BAZ2B: variants seen among roughly 807,000 people sequenced by gnomAD.
BAZ2B encodes the protein bromodomain adjacent to zinc finger domain protein 2B.
Under a neutral mutation model 246.0 loss-of-function variants are expected in BAZ2B, and 91 were observed. That is an observed-to-expected ratio of 0.37 (90% CI 0.31 to 0.44). BAZ2B has a LOEUF of 0.44. Ranked by LOEUF, BAZ2B falls within the 20% of genes least tolerant of loss-of-function variation. The probability of loss-of-function intolerance (pLI) is 1.00; values close to 1 mark genes in which losing one functional copy is unlikely to be tolerated. For missense variants in BAZ2B, 2,332 were observed against 2,533.7 expected, an observed-to-expected ratio of 0.92 and a Z score of 1.71; for synonymous variants, 855 against 860.0, an observed-to-expected ratio of 0.99 and a Z score of 0.10.
chr2:159,600,784 G>C (rs1691950161), intron 1 of BAZ2B, among the ~76,000 whole-genome samples: 1 of 152,018 alleles, frequency 6.6e-6, no homozygotes, highest in Non-Finnish European at 1.5e-5. Flanking sequence ...AAGAAGTGGG[G>C]GGAATCACAG....
chr2:159,332,465 C>A, intron 34 of BAZ2B, 75 bp downstream of exon 34: 1 of 1,421,994 alleles, frequency 7.0e-7, no homozygotes, highest in Admixed American at 2.2e-5. Flanking sequence ...CCAGCCTGGG[C>A]AACTGAGACC....
At chr2:159,639,012 T>C in the BAZ2B span, among the ~76,000 whole-genome samples, 1 of 151,840 alleles carries the variant, frequency 6.6e-6, no homozygotes, top group Non-Finnish European at 1.5e-5. Context: ...ATAAAAGAAA[T>C]AAACAGCATA....
chr2:159,483,505 G>A (rs918646369), intron 2 of BAZ2B, among the ~76,000 whole-genome samples: 3 of 152,142 alleles, frequency 2.0e-5, no homozygotes, highest in South Asian at 4.1e-4. Flanking sequence ...GGCTTGGCGC[G>A]GTGGCTCACG....
intron 14 of BAZ2B, 121 bp downstream of exon 14, chr2:159,412,213 TA>T: frequency 9.5e-7 from 1 of 1,055,770 alleles, no homozygotes; most frequent in Non-Finnish European, 1.4e-6. Context: ...CATTTTATTC[TA>T]ACACAACTAT....
chr2:159,439,280 T>A, intron 6 of BAZ2B, 68 bp from the exon 7 acceptor site: 1 of 1,298,602 alleles, frequency 7.7e-7, no homozygotes, highest in Non-Finnish European at 1.1e-6. Context: ...ATAAAAGGTG[T>A]ACTCTTTTTA....
chr2:159,551,162 A>G (rs2088137632), intron 2 of BAZ2B, among the ~76,000 whole-genome samples: 1 of 152,176 alleles, frequency 6.6e-6, no homozygotes, highest in African/African-American at 2.4e-5. Flanking sequence ...AAAAACAGAA[A>G]AAGCCACTTT....
intron 14 of BAZ2B, among the ~76,000 whole-genome samples, chr2:159,408,152 T>C (rs1386542552): frequency 6.6e-6 from 1 of 152,224 alleles, no homozygotes; most frequent in Non-Finnish European, 1.5e-5. Flanking sequence ...TATCAATCAA[T>C]TTCAAGCCCT....
Position 159,540,335 on chromosome 2 carries a change from T to C in BAZ2B, c.-3+15488A>G, listed in dbSNP as rs1467936184. The stretch of plus-strand genomic sequence containing the variant: ...ACCAAACAACTTTCCATCTGATAGC[T>C]TTCTTCATGTCTCTTTCCTTACTGA... On this transcript the variant is annotated intron_variant, in intron 2 of 36. Transcript: ENST00000392783. 2.0e-5 allele frequency among the ~76,000 whole-genome samples: 3 copies of C among 152,236 alleles called. No individual in the cohort carries two copies. The East Asian group carries it at 5.8e-4, about 29-fold the overall frequency.
At chr2:159,328,700 A>C (rs1486401067) in intron 34 of BAZ2B, among the ~76,000 whole-genome samples, 6 of 152,148 alleles carry the variant, frequency 3.9e-5, no homozygotes, top group Non-Finnish European at 8.8e-5. Flanking sequence ...TTTTGTAGGC[A>C]CTGAAGTTTG....
At chr2:159,333,501 T>A (rs2065123217) in intron 33 of BAZ2B, among the ~76,000 whole-genome samples, 1 of 152,076 alleles carries the variant, frequency 6.6e-6, no homozygotes. Flanking sequence ...AGAAGAAAAG[T>A]TAGACAAGTA....
At chr2:159,335,176 A>G (rs769875626) in intron 33 of BAZ2B, among the ~76,000 whole-genome samples, 1 of 152,238 alleles carries the variant, frequency 6.6e-6, no homozygotes, top group Non-Finnish European at 1.5e-5. Flanking sequence ...TGGTTTTAAT[A>G]ATAATTTTTA....
At chr2:159,445,959 TA>T (rs1240461994) in intron 6 of BAZ2B, among the ~76,000 whole-genome samples, 1 of 151,904 alleles carries the variant, frequency 6.6e-6, no homozygotes, top group Non-Finnish European at 1.5e-5. Flanking sequence ...GCAAAAAATG[TA>T]AAAATTACCT....
chr2:159,514,939 C>A (rs1251242114), intron 2 of BAZ2B, among the ~76,000 whole-genome samples: 1 of 151,974 alleles, frequency 6.6e-6, no homozygotes, highest in African/African-American at 2.4e-5. Context: ...TCAGAATATG[C>A]CAGTAATTTA....
chr2:159,534,014 C>T (rs1257615103), intron 2 of BAZ2B, among the ~76,000 whole-genome samples: 2 of 152,110 alleles, frequency 1.3e-5, no homozygotes, highest in Admixed American at 6.6e-5. Context: ...AACGAGAGGC[C>T]GTAATCAAAT....
At chr2:159,455,762 G>GTTTTTTTTTTTTT (rs759816186) in intron 3 of BAZ2B, among the ~76,000 whole-genome samples, 1 of 97,124 alleles carries the variant, frequency 1.0e-5, no homozygotes, top group Non-Finnish European at 2.2e-5. Context: ...GAAATATTGT[G>GTTTTTTTTTTTTT]GTTTTTTTTT....
intron 1 of BAZ2B, among the ~76,000 whole-genome samples, chr2:159,586,623 C>T (rs900715526): frequency 6.6e-6 from 1 of 152,050 alleles, no homozygotes; most frequent in Non-Finnish European, 1.5e-5. Context: ...AATCCTAGCA[C>T]TTTGGGAGGC....
At chr2:159,593,261 C>A (rs1395263199) in intron 1 of BAZ2B, among the ~76,000 whole-genome samples, 2 of 152,132 alleles carry the variant, frequency 1.3e-5, no homozygotes, top group African/African-American at 4.8e-5. Flanking sequence ...AAACTTTGAC[C>A]AAATCTCTGT....
At chr2:159,393,255 G>C (rs2063564801) in intron 20 of BAZ2B, among the ~76,000 whole-genome samples, 1 of 152,140 alleles carries the variant, frequency 6.6e-6, no homozygotes, top group Admixed American at 6.5e-5. Context: ...GATAGTGTCA[G>C]GATATGATCT....
In BAZ2B at chr2:159,430,872, G is replaced by C; in HGVS notation, c.2185C>G (p.Pro729Ala). 1 of 1,613,406 alleles carries C rather than the reference G, an allele frequency of 6.2e-7. No individual in the cohort carries two copies. Among genetic ancestry groups the C allele is most frequent in the Non-Finnish European group, 8.5e-7 (1 of 1,179,620 alleles). The change falls in exon 10 of 37, where the codon CCA (proline) becomes GCA (alanine). Residue 729 changes from proline (P) to alanine (A), a missense_variant. By Grantham distance (27) the Pro-to-Ala change is conservative. This residue lies in a region of BAZ2B where 651 missense variants were observed against 650.9 expected (regional missense o/e 1.00). Coordinates refer to ENST00000392783, the MANE Select transcript of BAZ2B (RefSeq NM_013450.4). ...AATAAAGTGTAGGTACCAGAGTGTG[G>C]GCTTGAAGTAAGTGTGGAAGAAGAT... The part of the protein sequence containing the change: ...GTSSSTLTSS[P>A]HSGTSKRRRV...
Sources: gnomAD v4.1 joint callset for allele counts (sites outside exome capture counted in the v4.1 genomes callset) on GRCh38, gnomAD v4.1.1 for gene constraint, gnomAD v4.1.1 regional missense constraint, MANE v1.5 for transcripts, NCBI Gene and HGNC (gene_info 2026-07-23, HGNC 2026-07-21) for gene names.